The following NEIL2 variants were observed in gnomAD, a reference collection of about 807,000 sequenced individuals.
The protein encoded by NEIL2 is endonuclease 8-like 2.
In NEIL2, 23 loss-of-function variants were observed where a neutral mutation model predicts 22.2. That is an observed-to-expected ratio of 1.04 (90% CI 0.75 to 1.47). The LOEUF (loss-of-function observed/expected upper bound fraction) is 1.47, where lower values mean the gene tolerates loss of function less well. Ranked by LOEUF, NEIL2 falls within the 40% of genes most tolerant of loss-of-function variation. The pLI is 0.00. For synonymous variants in NEIL2, 229 were observed against 164.8 expected, an observed-to-expected ratio of 1.39 and a Z score of -2.99; for missense variants, 583 against 404.7, an observed-to-expected ratio of 1.44 and a Z score of -3.78.
rs1255185930 is a variant in NEIL2, at chr8:11,786,056, T to G, written c.782T>G (p.Val261Gly). ...VLSASRREVL[V>G]DHVVEFSTAW... ...AGTGCCTCGCGTCGGGAGGTCCTGG[T>G]GGATCACGTGGTGGAGTTCAGTACA... Residue 261 changes from valine (V) to glycine (G), a missense_variant, in exon 5 of 5, where the codon GTG becomes GGG. Physicochemically the swap from Val to Gly is moderately radical, Grantham distance 109. Coordinates refer to ENST00000284503, the MANE Select transcript of NEIL2 (RefSeq NM_145043.4). The G allele has an allele frequency of 6.2e-7, 1 of 1,614,146 alleles. No individual in the cohort carries two copies. Among genetic ancestry groups the G allele is most frequent in the Admixed American group, 1.7e-5 (1 of 60,020 alleles).
At chr8:11,784,024 T>C (rs2130537406) in intron 4 of NEIL2, among the ~76,000 whole-genome samples, 1 of 151,228 alleles carries the variant, frequency 6.6e-6, no homozygotes, top group South Asian at 2.1e-4. Flanking sequence ...AGCGGGACTA[T>C]GACAGCGTGG....
At chr8:11,777,679 C>G (rs773148378) in intron 2 of NEIL2, among the ~76,000 whole-genome samples, 1 of 152,172 alleles carries the variant, frequency 6.6e-6, no homozygotes, top group Non-Finnish European at 1.5e-5. Flanking sequence ...ATAAAGTCCT[C>G]AAAGTTCACC....
chr8:11,773,972 G>C (rs1433841951), intron 2 of NEIL2, among the ~76,000 whole-genome samples: 1 of 152,186 alleles, frequency 6.6e-6, no homozygotes, highest in Non-Finnish European at 1.5e-5. Context: ...TGGACTCACA[G>C]TTCTGCATGG....
intron 2 of NEIL2, 30 bp downstream of exon 2, chr8:11,771,615 T>G: frequency 6.2e-7 from 1 of 1,601,884 alleles, no homozygotes; most frequent in South Asian, 1.1e-5. Context: ...AAGGGTTGGC[T>G]CTGTCGCCCA....
rs1343912603 is a variant in NEIL2 at position 11,771,485 on chromosome 8, T to A, written c.38T>A (p.Leu13Ter). The A allele has an allele frequency of 1.2e-6, 2 of 1,613,994 alleles. No individual in the cohort carries two copies. Among genetic ancestry groups the A allele is most frequent in the East Asian group, 4.5e-5 (2 of 44,888 alleles). The change falls in exon 2 of 5, where the codon TTG becomes TAG. Residue 13 changes from leucine to a stop codon, truncating the protein, a stop_gained. Transcript: ENST00000284503. LOFTEE classifies it high-confidence loss of function. ...EGPLVRKFHH[L>*]VSPFVGQQVV... is the part of the protein sequence containing the mutation. ...CCGTTGGTGAGGAAATTTCACCATT[T>A]GGTCTCCCCCTTTGTGGGTCAGCAG...
chr8:11,783,319 G>C lies in NEIL2; in HGVS notation c.608G>C (p.Arg203Pro). ...TCDILSEKFH[R>P]GQALEALGQA... ...GACATCCTGTCTGAGAAGTTCCATC[G>C]AGGACAAGCCTTAGAAGCTCTAGGC... Residue 203 changes from arginine (R) to proline (P), a missense_variant, in exon 4 of 5, where the codon CGA (arginine) becomes CCA (proline). Physicochemically the swap from Arg to Pro is moderately radical, Grantham distance 103. Coordinates refer to ENST00000284503, the MANE Select transcript of NEIL2 (RefSeq NM_145043.4). 2 of 1,614,186 alleles carry C rather than the reference G, an allele frequency of 1.2e-6. No homozygotes were observed. The highest frequency in any genetic ancestry group is 1.7e-6 in the Non-Finnish European group (2 of 1,180,022).
At position 11,786,522 on chromosome 8, in the gene NEIL2, C is replaced by T. The variant is rs890593079; in HGVS notation, c.*249C>T. 5.5e-6 allele frequency: 3 copies of T among 543,362 alleles called. No individual in the cohort carries two copies. The highest frequency in any genetic ancestry group is 3.3e-5 in the East Asian group (1 of 30,736). The allele number at this position is 543,362 out of a possible 1,614,324, so 33.7% of individuals were successfully genotyped here. On this transcript the variant is annotated 3_prime_UTR_variant, in exon 5 of 5. Transcript: ENST00000284503. ...CACCATCGTGAAAGATGGGAAAAAT[C>T]GTGATGATGGGTAAGGGGAAAACTT...
rs1804593410 is a variant in NEIL2 at position 11,783,204 on chromosome 8, T to C, written c.493T>C (p.Leu165=). The change falls in exon 4 of 5, where the codon TTG becomes CTG. Residue 165 remains leucine, a splice_region_variant and synonymous_variant. Coordinates refer to ENST00000284503, the MANE Select transcript of NEIL2 (RefSeq NM_145043.4). The part of the protein sequence containing the change: ...RGDWRDPSPR[L]VLHFGGGGFL... ...ATATGACCTGTTCTTTCTTCCCAGG[T>C]TGGTCCTGCACTTTGGTGGTGGTGG... 1 of 1,614,036 alleles carries C rather than the reference T, an allele frequency of 6.2e-7. No homozygotes were observed. The highest frequency in any genetic ancestry group is 8.5e-7 in the Non-Finnish European group (1 of 1,179,980).
At position 11,786,973 on chromosome 8, in the gene NEIL2, G is replaced by C. The variant is rs1303251246; in HGVS notation, c.*700G>C. Reference sequence around the variant, plus strand: ...TGTTTTGTTTTTGTTTTGTAACTTTGGTTGATGTTAAGGCCCTCCATTTTG... The same window carrying C: ...TGTTTTGTTTTTGTTTTGTAACTTTCGTTGATGTTAAGGCCCTCCATTTTG... On this transcript the variant is annotated 3_prime_UTR_variant, in exon 5 of 5. Transcript: ENST00000284503. 1 of 152,478 alleles carries C rather than the reference G, an allele frequency of 6.6e-6. No homozygotes were observed. Among genetic ancestry groups the C allele is most frequent in the Non-Finnish European group, 1.5e-5 (1 of 68,392 alleles). 9.4% of individuals were successfully genotyped at this position (152,478 alleles called of 1,614,324 possible). A position where few individuals can be genotyped will look rare whatever the true frequency, so the allele number is the denominator to read the frequency against.
Position 11,779,947 on chromosome 8 carries a change from C to T in NEIL2, c.488C>T (p.Pro163Leu), listed in dbSNP as rs570901958. 28 of 1,612,982 alleles carry T rather than the reference C, an allele frequency of 1.7e-5. No homozygotes were observed. The Middle Eastern group carries it at 6.6e-4, about 38-fold the overall frequency. Residue 163 changes from proline to leucine, a missense_variant, in exon 3 of 5, where the codon CCG (proline) becomes CTG (leucine). By Grantham distance (98) the Pro-to-Leu change is moderately conservative. Coordinates refer to ENST00000284503, the MANE Select transcript of NEIL2 (RefSeq NM_145043.4). ...AGGGGGGACTGGAGGGACCCTTCCCCGAGGTAATGGTGTGGCCATCTGATT... is the reference window on the plus strand; with the variant it reads ...AGGGGGGACTGGAGGGACCCTTCCCTGAGGTAATGGTGTGGCCATCTGATT... ...NKRGDWRDPS[P>L]RLVLHFGGGG...
intron 1 of NEIL2, among the ~76,000 whole-genome samples, chr8:11,770,625 A>C (rs1332382408): frequency 1.3e-5 from 2 of 152,150 alleles, no homozygotes; most frequent in African/African-American, 4.8e-5. Context: ...TTTTCATCAT[A>C]ACTTATAGAG....
At chr8:11,772,398 C>G (rs1052280103) in intron 2 of NEIL2, among the ~76,000 whole-genome samples, 1 of 152,176 alleles carries the variant, frequency 6.6e-6, no homozygotes, top group Non-Finnish European at 1.5e-5. Flanking sequence ...TTTTCACTTG[C>G]TGCCCCCTGC....
At position 11,777,577 on chromosome 8, in the gene NEIL2, T is replaced by A. The variant is rs79792174; in HGVS notation, c.139-2021T>A. On this transcript the variant is annotated intron_variant, in intron 2 of 4. Transcript: ENST00000284503. ...GCCCCTGGCAATCACCTTTCTACTT[T>A]CTGTCTCGATGAATTTTACTTCCCC... 2.1e-3 allele frequency among the ~76,000 whole-genome samples: 321 copies of A among 152,312 alleles called. 4 individuals carry two copies. The highest frequency in any genetic ancestry group is 0.02 in the South Asian group (97 of 4,826).
chr8:11,782,365 C>A (rs1381351129), intron 3 of NEIL2, among the ~76,000 whole-genome samples: 1 of 152,118 alleles, frequency 6.6e-6, no homozygotes, highest in African/African-American at 2.4e-5. Flanking sequence ...GAAGAGATTG[C>A]AGTGAGCCAA....
chr8:11,775,066 C>G (rs1053444159), intron 2 of NEIL2, among the ~76,000 whole-genome samples: 7 of 152,268 alleles, frequency 4.6e-5, no homozygotes, highest in African/African-American at 1.7e-4. Flanking sequence ...CTTCTCACAG[C>G]TCTACTAGGC....
chr8:11,786,552 G>T lies in NEIL2; in HGVS notation c.*279G>T. ...TGATGGGTAAGGGGAAAACTTCCCG[G>T]AAGGCAATGGGGCAAGGAAAAAGAA... On this transcript the variant is annotated 3_prime_UTR_variant, in exon 5 of 5. Transcript: ENST00000284503. 2.0e-6 allele frequency: 1 copy of T among 508,154 alleles called. No homozygotes were observed. Among genetic ancestry groups the T allele is most frequent in the East Asian group, 3.7e-5 (1 of 27,338 alleles). 31.5% of individuals were successfully genotyped at this position (508,154 alleles called of 1,614,324 possible).
intron 2 of NEIL2, among the ~76,000 whole-genome samples, chr8:11,774,828 T>G (rs1803770265): frequency 6.6e-6 from 1 of 152,262 alleles, no homozygotes; most frequent in Non-Finnish European, 1.5e-5. Flanking sequence ...CAGTCAAATC[T>G]TAAAGCTCCA....
chr8:11,779,516 C>G (rs547192079), intron 2 of NEIL2, 82 bp from the exon 3 acceptor site: 2 of 1,146,270 alleles, frequency 1.7e-6, no homozygotes, highest in African/African-American at 1.5e-5. Flanking sequence ...GAAGGAAGAC[C>G]TTTGCAATAG....
intron 4 of NEIL2, among the ~76,000 whole-genome samples, chr8:11,785,388 G>C (rs957669124): frequency 1.1e-4 from 17 of 149,994 alleles, no homozygotes; most frequent in African/African-American, 4.2e-4. Context: ...TAGAGATGGG[G>C]TTTCACCATG....
Sources: gnomAD v4.1 joint callset for allele counts (sites outside exome capture counted in the v4.1 genomes callset) on GRCh38, gnomAD v4.1.1 for gene constraint, MANE v1.5 for transcripts, NCBI Gene and HGNC (gene_info 2026-07-23, HGNC 2026-07-21) for gene names.